TMEM132B: variants seen among roughly 807,000 people sequenced by gnomAD.
TMEM132B encodes transmembrane protein 132B.
In TMEM132B, 18 loss-of-function variants were observed where a neutral mutation model predicts 90.8. The observed-to-expected ratio is 0.20, with a 90% CI of 0.14 to 0.29. The LOEUF (loss-of-function observed/expected upper bound fraction) is 0.29, where lower values mean the gene tolerates loss of function less well. Ranked by LOEUF, TMEM132B falls within the 10% of genes least tolerant of loss-of-function variation. The pLI is 1.00. For missense variants in TMEM132B, 1,096 were observed against 1,326.8 expected, an observed-to-expected ratio of 0.83 and a Z score of 2.70; for synonymous variants, 504 against 523.3, an observed-to-expected ratio of 0.96 and a Z score of 0.50.
chr12:125,282,042 AAAAAAAAAAAAAAAAAAAG>A lies in TMEM132B; in HGVS notation c.68-67408_68-67390del, dbSNP rs1170227502. ...GACTCCGTCTCAAAAAAAAAAAAAAAAAAAAAAAAAAAAAAAAAGAGAGACTTTTGAAGCTTGGTGAGAG... is the reference window on the plus strand; with the variant it reads ...GACTCCGTCTCAAAAAAAAAAAAAAAAGAGACTTTTGAAGCTTGGTGAGAG... On this transcript the variant is annotated intron_variant, in intron 1 of 8. Transcript: ENST00000682704. 4.3e-3 allele frequency among the ~76,000 whole-genome samples: 558 copies of A among 130,286 alleles called. 11 individuals are homozygous for A. Among genetic ancestry groups the A allele is most frequent in the African/African-American group, 0.014 (518 of 36,084 alleles). 85.5% of individuals were successfully genotyped at this position (130,286 alleles called of 152,430 possible).
intron 1 of TMEM132B, among the ~76,000 whole-genome samples, chr12:125,241,122 A>C (rs1874055309): frequency 6.6e-6 from 1 of 152,248 alleles, no homozygotes; most frequent in South Asian, 2.1e-4. Flanking sequence ...TAAAATACAG[A>C]GGATGACAAA....
chr12:125,552,258 T>C (rs1884246546), intron 4 of TMEM132B, among the ~76,000 whole-genome samples: 1 of 152,198 alleles, frequency 6.6e-6, no homozygotes, highest in African/African-American at 2.4e-5. Flanking sequence ...TCCCACAGGA[T>C]TGCAAATGAG....
At chr12:125,603,262 T>C (rs531994907) in intron 5 of TMEM132B, among the ~76,000 whole-genome samples, 1 of 152,316 alleles carries the variant, frequency 6.6e-6, no homozygotes, top group African/African-American at 2.4e-5. Context: ...AACAGTCATA[T>C]AGACCAATGG....
intron 1 of TMEM132B, among the ~76,000 whole-genome samples, chr12:125,309,977 G>A (rs559807850): frequency 6.6e-6 from 1 of 152,296 alleles, no homozygotes; most frequent in East Asian, 1.9e-4. Context: ...CAGCTTGGCT[G>A]TGGCTGGAAC....
chr12:125,486,590 T>C (rs900351503), intron 3 of TMEM132B, among the ~76,000 whole-genome samples: 2 of 152,210 alleles, frequency 1.3e-5, no homozygotes, highest in African/African-American at 2.4e-5. Flanking sequence ...AGAATTTATA[T>C]TGAAGGCCTG....
At chr12:125,222,648 C>T (rs534173076) in intron 1 of TMEM132B, among the ~76,000 whole-genome samples, 1 of 152,366 alleles carries the variant, frequency 6.6e-6, no homozygotes, top group Admixed American at 6.5e-5. Context: ...CAACATCCCT[C>T]TAGACCAAGG....
chr12:125,611,352 AC>A (rs1373708766), intron 5 of TMEM132B, among the ~76,000 whole-genome samples: 1 of 151,990 alleles, frequency 6.6e-6, no homozygotes. Context: ...TTTAAAAAAA[AC>A]AATTTTTGGT....
intron 3 of TMEM132B, among the ~76,000 whole-genome samples, chr12:125,469,566 G>A (rs1404060492): frequency 6.6e-6 from 1 of 152,138 alleles, no homozygotes; most frequent in African/African-American, 2.4e-5. Context: ...GAGAAGTAGA[G>A]GACAAGATCA....
chr12:125,332,856 A>G (rs1876827942), intron 1 of TMEM132B, among the ~76,000 whole-genome samples: 1 of 152,032 alleles, frequency 6.6e-6, no homozygotes, highest in Admixed American at 6.5e-5. Flanking sequence ...GCCTTAAAAA[A>G]CAAAAAACCA....
In TMEM132B at chr12:125,519,851, TG is replaced by T. The variant is rs753468832; in HGVS notation, c.1293+230del. On this transcript the variant is annotated intron_variant, in intron 4 of 8. Transcript: ENST00000682704. Reference sequence around the variant, plus strand: ...TTGTGGATATTGCGGAACTGTTTCCTGGGGAGCCCTTATTCTTTATTTTCTC... The same window carrying T: ...TTGTGGATATTGCGGAACTGTTTCCTGGGAGCCCTTATTCTTTATTTTCTC... Among the ~76,000 whole-genome samples the T allele has an allele frequency of 2.6e-5, 4 of 152,340 alleles. No homozygotes were observed. The South Asian group carries it at 8.3e-4, about 32-fold the overall frequency.
At position 125,241,158 on chromosome 12, in the gene TMEM132B, A is replaced by T. The variant is rs189145478; in HGVS notation, c.67+54292A>T. Among the ~76,000 whole-genome samples, 317 of 152,356 alleles carry T rather than the reference A, an allele frequency of 2.1e-3. 1 individual carries two copies. Among genetic ancestry groups the T allele is most frequent in the Admixed American group, 3.4e-3 (52 of 15,306 alleles). ...AGAAACCAATTTTATTGAACTCCAG[A>T]TATCAAAATATAAGGAAAAAGAAAT... is the stretch of plus-strand genomic sequence containing the variant. On this transcript the variant is annotated intron_variant, in intron 1 of 8. Transcript: ENST00000682704.
At chr12:125,572,621 T>C (rs561347729) in intron 4 of TMEM132B, among the ~76,000 whole-genome samples, 1 of 152,230 alleles carries the variant, frequency 6.6e-6, no homozygotes, top group Non-Finnish European at 1.5e-5. Flanking sequence ...CACCATAAAG[T>C]TACTGTTTTC....
At chr12:125,641,200 C>G (rs1424204907) in intron 5 of TMEM132B, among the ~76,000 whole-genome samples, 1 of 152,156 alleles carries the variant, frequency 6.6e-6, no homozygotes, top group African/African-American at 2.4e-5. Context: ...TTGACCTCAA[C>G]TGGGGATGCG....
chr12:125,308,215 C>T (rs1876041917), intron 1 of TMEM132B, among the ~76,000 whole-genome samples: 1 of 134,878 alleles, frequency 7.4e-6, no homozygotes, highest in Non-Finnish European at 1.6e-5. Context: ...TAGAAAAATA[C>T]AGTATTTTAA....
chr12:125,349,777 C>T lies in TMEM132B; in HGVS notation c.393C>T (p.Asp131=). Residue 131 remains aspartate (D), a synonymous_variant, in exon 2 of 9, where the codon GAC becomes GAT. Transcript: ENST00000682704. The surrounding 1 kb of genome is among the most constrained non-coding windows in gnomAD (Gnocchi z 4.1). ...FNWKLKSHIL[D]SSIYSNRPKV... is the part of the protein sequence containing the mutation. Reference sequence around the variant, plus strand: ...GGAAATTGAAATCCCACATCCTTGACAGCTCCATCTACTCCAACAGACCCA... The same window carrying T: ...GGAAATTGAAATCCCACATCCTTGATAGCTCCATCTACTCCAACAGACCCA... 1.2e-6 allele frequency: 2 copies of T among 1,614,266 alleles called. No individual in the cohort carries two copies. Among genetic ancestry groups the T allele is most frequent in the Non-Finnish European group, 1.7e-6 (2 of 1,180,048 alleles).
At chr12:125,541,100 T>A (rs1298996721) in intron 4 of TMEM132B, among the ~76,000 whole-genome samples, 1 of 152,248 alleles carries the variant, frequency 6.6e-6, no homozygotes, top group East Asian at 1.9e-4. Flanking sequence ...TATCACCTGG[T>A]AAGAGCGGCC....
intron 6 of TMEM132B, among the ~76,000 whole-genome samples, chr12:125,644,980 G>T (rs1019010051): frequency 6.6e-6 from 1 of 152,084 alleles, no homozygotes; most frequent in Admixed American, 6.5e-5. Context: ...CACTTTGGGA[G>T]GCCAAGGCAG....
At chr12:125,281,097 C>T (rs1052487488) in intron 1 of TMEM132B, among the ~76,000 whole-genome samples, 2 of 152,202 alleles carry the variant, frequency 1.3e-5, no homozygotes, top group African/African-American at 4.8e-5. Flanking sequence ...AAGGCCCCAG[C>T]AGGGGACCCC....
At position 125,445,618 on chromosome 12, in the gene TMEM132B, C is replaced by T. The variant is rs550157410; in HGVS notation, c.1106+29941C>T. 2.6e-5 allele frequency among the ~76,000 whole-genome samples: 4 copies of T among 152,184 alleles called. No homozygotes were observed. Among genetic ancestry groups the T allele is most frequent in the Non-Finnish European group, 5.9e-5 (4 of 68,032 alleles). ...GGCAGGACATCCAGTGTTAGTCACTCCACCCCAGCTGTGAACCCTGAGCGT... is the reference window on the plus strand; with the variant it reads ...GGCAGGACATCCAGTGTTAGTCACTTCACCCCAGCTGTGAACCCTGAGCGT... On this transcript the variant is annotated intron_variant, in intron 3 of 8. Transcript: ENST00000682704. This position sits in a 1 kb window ranked among gnomAD's most constrained non-coding sequence, Gnocchi z 4.3.
Sources: allele counts gnomAD v4.1 joint callset (sites outside exome capture counted in the v4.1 genomes callset), GRCh38; gene constraint gnomAD v4.1.1; non-coding constraint Gnocchi (gnomAD v3.1); transcripts MANE v1.5; gene names NCBI Gene and HGNC (gene_info 2026-07-23, HGNC 2026-07-21).